The following RANBP17 variants were observed in gnomAD, a reference collection of about 807,000 sequenced individuals.
RANBP17 encodes ran-binding protein 17.
In RANBP17, 158 loss-of-function variants were observed where a neutral mutation model predicts 141.2. The ratio of observed to expected loss-of-function variants is 1.12; its 90% CI spans 0.98 to 1.28. The LOEUF is 1.28. Ranked by LOEUF, RANBP17 falls within the 50% of genes most tolerant of loss-of-function variation. The pLI, the probability that RANBP17 is intolerant of heterozygous loss-of-function variation, is 0.00. For synonymous variants in RANBP17, 430 were observed against 450.0 expected, an observed-to-expected ratio of 0.96 and a Z score of 0.56; for missense variants, 1,438 against 1,290.7, an observed-to-expected ratio of 1.11 and a Z score of -1.75.
At chr5:171,213,497 A>G (rs534088116) in intron 20 of RANBP17, 134 bp from the exon 21 acceptor site, 1 of 655,060 alleles carries the variant, frequency 1.5e-6, no homozygotes, top group African/African-American at 1.8e-5. Flanking sequence ...ATTGTATAGT[A>G]TAGACATAGA....
At chr5:171,005,329 C>T (rs1214333546) in intron 14 of RANBP17, among the ~76,000 whole-genome samples, 5 of 152,136 alleles carry the variant, frequency 3.3e-5, no homozygotes, top group South Asian at 2.1e-4. Flanking sequence ...CATCATGGTA[C>T]CTGACTTCAA....
chr5:171,255,577 G>T (rs570194812), intron 24 of RANBP17, among the ~76,000 whole-genome samples: 1 of 152,262 alleles, frequency 6.6e-6, no homozygotes. Context: ...GGACTGTGGG[G>T]TGACAGTTTT....
intron 14 of RANBP17, among the ~76,000 whole-genome samples, chr5:171,036,561 G>A (rs1254090775): frequency 6.6e-6 from 1 of 152,118 alleles, no homozygotes; most frequent in African/African-American, 2.4e-5. Flanking sequence ...CCCTGGAAGT[G>A]AGCATACTAC....
chr5:171,074,723 T>C (rs1823038), intron 14 of RANBP17, among the ~76,000 whole-genome samples: 1,755 of 152,350 alleles, frequency 0.012, 24 homozygotes, highest in African/African-American at 0.038. Context: ...TTGCCTATTA[T>C]AATCTTTGTC....
chr5:171,147,076 T>A (rs972274510), intron 14 of RANBP17, among the ~76,000 whole-genome samples: 18 of 152,160 alleles, frequency 1.2e-4, no homozygotes, highest in African/African-American at 4.3e-4. Flanking sequence ...TAAAGATATT[T>A]TTGGTTGTCA....
At chr5:171,053,841 T>A (rs1320318947) in intron 14 of RANBP17, among the ~76,000 whole-genome samples, 2 of 145,072 alleles carry the variant, frequency 1.4e-5, no homozygotes, top group Non-Finnish European at 3.0e-5. Flanking sequence ...AATGTGATGT[T>A]AGCTTTTTTT....
chr5:170,964,698 T>C (rs1776415670), intron 13 of RANBP17, among the ~76,000 whole-genome samples: 1 of 152,188 alleles, frequency 6.6e-6, no homozygotes, highest in African/African-American at 2.4e-5. Context: ...ATTTCCAATT[T>C]CATCCATGTC....
At chr5:170,875,555 A>G (rs1768107887) in intron 1 of RANBP17, among the ~76,000 whole-genome samples, 2 of 152,118 alleles carry the variant, frequency 1.3e-5, no homozygotes, top group Admixed American at 6.6e-5. Flanking sequence ...TCAGCAAGGT[A>G]GTCTTCAAGC....
intron 19 of RANBP17, 27 bp from the exon 20 acceptor site, chr5:171,205,497 A>T: frequency 6.3e-7 from 1 of 1,598,208 alleles, no homozygotes; most frequent in Non-Finnish European, 8.6e-7. Context: ...GTGAAAATCA[A>T]TTACTGTGTC....
intron 12 of RANBP17, among the ~76,000 whole-genome samples, chr5:170,939,609 CT>C (rs1429199458): frequency 1.3e-5 from 2 of 152,018 alleles, no homozygotes; most frequent in East Asian, 3.9e-4. Flanking sequence ...TGGTCTCGAA[CT>C]TCTGATCTCA....
intron 14 of RANBP17, among the ~76,000 whole-genome samples, chr5:171,037,825 T>G (rs2127629074): frequency 6.6e-6 from 1 of 152,302 alleles, no homozygotes; most frequent in East Asian, 1.9e-4. Flanking sequence ...ACTGTAGCCT[T>G]ATAGTGTAGT....
intron 14 of RANBP17, among the ~76,000 whole-genome samples, chr5:170,985,743 C>T (rs957585626): frequency 2.6e-5 from 4 of 152,092 alleles, no homozygotes; most frequent in Non-Finnish European, 4.4e-5. Flanking sequence ...TAAATGAATT[C>T]TCCTGGAAAG....
At chr5:170,933,129 T>A (rs1175007029) in intron 12 of RANBP17, among the ~76,000 whole-genome samples, 10 of 152,154 alleles carry the variant, frequency 6.6e-5, no homozygotes, top group Non-Finnish European at 2.9e-5. Context: ...TTCTTCCTGG[T>A]TTAGTCTTGG....
chr5:171,207,878 T>A (rs1354086986), intron 20 of RANBP17: 1 of 152,242 alleles, frequency 6.6e-6, no homozygotes, highest in Non-Finnish European at 1.5e-5. Context: ...CAAAAAGCTT[T>A]ATTAAAATAT....
chr5:171,111,881 T>C (rs541695439), intron 14 of RANBP17, among the ~76,000 whole-genome samples: 10 of 152,286 alleles, frequency 6.6e-5, no homozygotes, highest in Admixed American at 6.5e-4. Context: ...CACTTATACT[T>C]AGGGATCATG....
chr5:171,183,338 T>G lies in RANBP17; in HGVS notation c.1946T>G (p.Phe649Cys), dbSNP rs757380952. The change falls in exon 18 of 28, where the codon TTT (phenylalanine) becomes TGT (cysteine). Residue 649 changes from phenylalanine to cysteine, a missense_variant. By Grantham distance (205) the Phe-to-Cys change is radical (BLOSUM62 -2). Transcript: ENST00000523189. Reference sequence around the variant, plus strand: ...TTTCATTAGAGTGAACACTTCCCTTTTCTTGGCATCAGTGACAATCATAGT... The same window carrying G: ...TTTCATTAGAGTGAACACTTCCCTTGTCTTGGCATCAGTGACAATCATAGT... ...LKNHTSEHFP[F>C]LGISDNHSLS... 1.2e-6 allele frequency: 2 copies of G among 1,613,924 alleles called. No individual in the cohort carries two copies. Among genetic ancestry groups the G allele is most frequent in the Non-Finnish European group, 1.7e-6 (2 of 1,179,802 alleles).
At chr5:171,019,587 G>T (rs1780705659) in intron 14 of RANBP17, among the ~76,000 whole-genome samples, 1 of 152,092 alleles carries the variant, frequency 6.6e-6, no homozygotes, top group Non-Finnish European at 1.5e-5. Context: ...TTGAATTTCT[G>T]TGAGGTCAGT....
intron 22 of RANBP17, among the ~76,000 whole-genome samples, chr5:171,225,438 C>A (rs899783156): frequency 1.3e-5 from 2 of 152,180 alleles, no homozygotes; most frequent in African/African-American, 4.8e-5. Context: ...CTGTCTTTAC[C>A]TTCTGTAATG....
In RANBP17 at chr5:171,170,124, A is replaced by C; in HGVS notation, c.1711-6A>C. ...AAACTTTTAACAATGAAATGTTTTAATGCAGGTATATGCTCGTATGTCAGA... is the reference window on the plus strand; with the variant it reads ...AAACTTTTAACAATGAAATGTTTTACTGCAGGTATATGCTCGTATGTCAGA... On this transcript the variant is annotated splice_polypyrimidine_tract_variant and splice_region_variant and intron_variant, in intron 14 of 27. Coordinates refer to ENST00000523189, the MANE Select transcript of RANBP17 (RefSeq NM_022897.5). 6.7e-7 allele frequency: 1 copy of C among 1,491,134 alleles called. No individual in the cohort carries two copies. Among genetic ancestry groups the C allele is most frequent in the Middle Eastern group, 1.8e-4 (1 of 5,690 alleles). The allele number at this position is 1,491,134 out of a possible 1,614,324, so 92.4% of individuals were successfully genotyped here. A position where few individuals can be genotyped will look rare whatever the true frequency, so the allele number is the denominator to read the frequency against.
Sources: gnomAD v4.1 joint callset for allele counts (sites outside exome capture counted in the v4.1 genomes callset) on GRCh38, gnomAD v4.1.1 for gene constraint, MANE v1.5 for transcripts, NCBI Gene and HGNC (gene_info 2026-07-23, HGNC 2026-07-21) for gene names.